Variants in TTC7A observed in about 807,000 individuals in gnomAD.
The protein encoded by TTC7A is tetratricopeptide repeat protein 7A.
TTC7A carries 110 observed loss-of-function variants against 103.7 expected under a neutral mutation model. The ratio of observed to expected loss-of-function variants is 1.06; its 90% CI spans 0.91 to 1.24. The LOEUF (loss-of-function observed/expected upper bound fraction) is 1.24, where lower values mean the gene tolerates loss of function less well. Ranked by LOEUF, TTC7A falls within the 50% of genes most tolerant of loss-of-function variation. The pLI, the probability that TTC7A is intolerant of heterozygous loss-of-function variation, is 0.00. For synonymous variants in TTC7A, 521 were observed against 467.9 expected, an observed-to-expected ratio of 1.11 and a Z score of -1.47; for missense variants, 1,340 against 1,116.3, an observed-to-expected ratio of 1.20 and a Z score of -2.86.
chr2:47,026,176 G>A (rs1679894248), intron 14 of TTC7A, among the ~76,000 whole-genome samples: 1 of 152,174 alleles, frequency 6.6e-6, no homozygotes, highest in African/African-American at 2.4e-5. Context: ...TAGCCTGCCT[G>A]GGTCTCTGAG....
At chr2:47,032,183 G>A (rs1680616526) in intron 15 of TTC7A, among the ~76,000 whole-genome samples, 1 of 152,230 alleles carries the variant, frequency 6.6e-6, no homozygotes, top group African/African-American at 2.4e-5. Context: ...GCCCAAGGGT[G>A]GACATCTGGG....
Position 46,919,849 on chromosome 2 carries a change from G to T in TTC7A, c.82+2572G>T, listed in dbSNP as rs1415857042. Among the ~76,000 whole-genome samples, 2 of 152,238 alleles carry T rather than the reference G, an allele frequency of 1.3e-5. 1 individual carries two copies. ...TTCTTTTGTTTAGAGAAAAGGTCTTGCTCTATCACCCTTGCATTGGATGAG... is the reference window on the plus strand; with the variant it reads ...TTCTTTTGTTTAGAGAAAAGGTCTTTCTCTATCACCCTTGCATTGGATGAG... On this transcript the variant is annotated intron_variant, in intron 2 of 20. Coordinates refer to the TTC7A transcript ENST00000409245.
chr2:47,049,578 T>G (rs1682661200), intron 16 of TTC7A, among the ~76,000 whole-genome samples: 1 of 152,068 alleles, frequency 6.6e-6, no homozygotes, highest in African/African-American at 2.4e-5. Flanking sequence ...TAGTGCCCTA[T>G]GAAGACCAGG....
upstream of TTC7A, chr2:46,916,107 G>A: frequency 1.0e-6 from 1 of 985,558 alleles, no homozygotes; most frequent in South Asian, 4.7e-5. Flanking sequence ...GTAGGATGGC[G>A]GATCCGGATG....
At chr2:46,971,149 A>AG (rs1673322198) in intron 3 of TTC7A, among the ~76,000 whole-genome samples, 1 of 152,222 alleles carries the variant, frequency 6.6e-6, no homozygotes. Flanking sequence ...AGTAAACACG[A>AG]TTAGGTTGAT....
intron 19 of TTC7A, among the ~76,000 whole-genome samples, chr2:47,071,722 A>G (rs1177809326): frequency 6.6e-6 from 1 of 152,020 alleles, no homozygotes; most frequent in Non-Finnish European, 1.5e-5. Context: ...GTTACTGCAA[A>G]CCTCCGAAAC....
intron 1 of TTC7A, among the ~76,000 whole-genome samples, chr2:46,947,600 C>G (rs1324579765): frequency 1.3e-5 from 2 of 152,018 alleles, no homozygotes; most frequent in African/African-American, 4.8e-5. Context: ...GCCTGTAGTC[C>G]CAGCTACTCA....
intron 3 of TTC7A, among the ~76,000 whole-genome samples, chr2:46,968,730 C>T (rs566924408): frequency 7.2e-5 from 11 of 152,260 alleles, no homozygotes; most frequent in African/African-American, 2.6e-4. Context: ...TTCAAAAAGG[C>T]ATTATCTCCA....
chr2:46,920,649 GA>G (rs10713433), intron 2 of TTC7A, among the ~76,000 whole-genome samples: 29,833 of 136,118 alleles, frequency 0.22, 3,583 homozygotes, highest in African/African-American at 0.35. Context: ...AGGCTTTTTT[GA>G]AAAAAAAAAA....
chr2:46,927,437 G>A (rs1430050885), intron 2 of TTC7A, among the ~76,000 whole-genome samples: 1 of 149,700 alleles, frequency 6.7e-6, no homozygotes, highest in African/African-American at 2.5e-5. Flanking sequence ...GCTCACTGCA[G>A]GCTCCACCTC....
intron 8 of TTC7A, among the ~76,000 whole-genome samples, chr2:47,001,369 C>G (rs1459769400): frequency 6.6e-6 from 1 of 152,202 alleles, no homozygotes; most frequent in East Asian, 1.9e-4. Context: ...CAAGCAGCAG[C>G]AGTCCCAGAC....
chr2:46,978,488 A>G (rs1300977325), intron 4 of TTC7A, among the ~76,000 whole-genome samples: 3 of 145,972 alleles, frequency 2.1e-5, no homozygotes, highest in South Asian at 2.2e-4. Context: ...CCACTTTGGG[A>G]GGCTGAGGTG....
chr2:46,948,505 C>T (rs1671125709), intron 1 of TTC7A, among the ~76,000 whole-genome samples: 1 of 152,050 alleles, frequency 6.6e-6, no homozygotes, highest in Non-Finnish European at 1.5e-5. Flanking sequence ...CAAAGGATCC[C>T]ATAACAGGTG....
chr2:46,919,348 G>T (rs1288717574), intron 2 of TTC7A, among the ~76,000 whole-genome samples: 1 of 152,114 alleles, frequency 6.6e-6, no homozygotes, highest in Non-Finnish European at 1.5e-5. Context: ...AGCCTGGCCA[G>T]CATGGTGAAA....
chr2:47,072,961 A>G (rs1484751857), intron 19 of TTC7A, among the ~76,000 whole-genome samples: 1 of 152,140 alleles, frequency 6.6e-6, no homozygotes, highest in Non-Finnish European at 1.5e-5. Context: ...CTTTGGTAAC[A>G]GGGTTGTTTG....
chr2:47,063,786 C>A (rs1038678426), intron 19 of TTC7A, among the ~76,000 whole-genome samples: 1 of 152,228 alleles, frequency 6.6e-6, no homozygotes, highest in Non-Finnish European at 1.5e-5. Flanking sequence ...CTGGAGCGAG[C>A]CCTCTGAGGT....
chr2:46,992,697 A>T (rs571795808), intron 5 of TTC7A, among the ~76,000 whole-genome samples: 21 of 152,292 alleles, frequency 1.4e-4, no homozygotes, highest in African/African-American at 4.8e-4. Flanking sequence ...AGTTTTTCAC[A>T]TTGTGGGCCA....
intron 8 of TTC7A, among the ~76,000 whole-genome samples, chr2:47,002,407 A>C (rs1344030899): frequency 6.6e-6 from 1 of 152,224 alleles, no homozygotes; most frequent in African/African-American, 2.4e-5. Flanking sequence ...TTTAAGGGTC[A>C]CAAGTGCATT....
intron 8 of TTC7A, among the ~76,000 whole-genome samples, chr2:47,001,676 G>C (rs1170754257): frequency 6.6e-6 from 1 of 152,086 alleles, no homozygotes; most frequent in Admixed American, 6.6e-5. Flanking sequence ...AGCCAACATG[G>C]TGAAGCCCCG....
Sources: gnomAD v4.1 joint callset for allele counts (sites outside exome capture counted in the v4.1 genomes callset) on GRCh38, gnomAD v4.1.1 for gene constraint, MANE v1.5 for transcripts, NCBI Gene and HGNC (gene_info 2026-07-23, HGNC 2026-07-21) for gene names.